DNAH9: variants seen among roughly 807,000 people sequenced by gnomAD.
The protein encoded by DNAH9 is DNAH9 variant protein.
In DNAH9, 345 loss-of-function variants were observed where a neutral mutation model predicts 471.6. That is an observed-to-expected ratio of 0.73 (90% CI 0.67 to 0.80). The LOEUF (loss-of-function observed/expected upper bound fraction) is 0.80, where lower values mean the gene tolerates loss of function less well. Among genes scored for constraint, DNAH9 ranks in the 30% least tolerant of loss-of-function variants. The pLI is 0.00. For synonymous variants in DNAH9, 2,093 were observed against 2,123.6 expected (o/e 0.99, Z 0.40); for missense variants, 5,407 against 5,609.2 (o/e 0.96, Z 1.15).
chr17:11,883,500 AG>A, intron 55 of DNAH9, 85 bp from the exon 56 acceptor site: 2 of 1,497,806 alleles, frequency 1.3e-6, no homozygotes, highest in African/African-American at 2.8e-5. Flanking sequence ...CTTTAAGGCA[AG>A]GGACTCTCGC....
At position 11,854,074 on chromosome 17, in the gene DNAH9, G is replaced by A. The variant is rs1177230757; in HGVS notation, c.9579G>A (p.Met3193Ile). 4 of 1,614,066 alleles carry A rather than the reference G, an allele frequency of 2.5e-6. No individual in the cohort carries two copies. The highest frequency in any genetic ancestry group is 4.5e-5 in the East Asian group (2 of 44,890). Reference sequence around the variant, plus strand: ...TCAGCAATGTCAGCGCTGCGGTGATGGTACTGATGGCTCCCAGGGGTAGGG... The same window carrying A: ...TCAGCAATGTCAGCGCTGCGGTGATAGTACTGATGGCTCCCAGGGGTAGGG... ...LAVSNVSAAV[M>I]VLMAPRGRVP... The change falls in exon 50 of 69, where the codon ATG becomes ATA. Residue 3193 changes from methionine to isoleucine, a missense_variant. Coordinates refer to ENST00000262442, the MANE Select transcript of DNAH9 (RefSeq NM_001372.4).
rs1971757020 is a variant in DNAH9, at chr17:11,859,420, A to G, written c.9933+4992A>G. Among the ~76,000 whole-genome samples, 3 of 152,104 alleles carry G rather than the reference A, an allele frequency of 2.0e-5. No homozygotes were observed. The South Asian group carries it at 6.2e-4, about 32-fold the overall frequency. ...GAGCGAGACTCCGTCTCAAAAAAAA[A>G]AAAAAAAAAAAATGCAGTTACTTTT... On this transcript the variant is annotated intron_variant, in intron 50 of 68. Coordinates refer to ENST00000262442, the MANE Select transcript of DNAH9 (RefSeq NM_001372.4).
chr17:11,607,540 C>T (rs1317324274), intron 1 of DNAH9, among the ~76,000 whole-genome samples: 2 of 152,072 alleles, frequency 1.3e-5, no homozygotes, highest in Admixed American at 6.6e-5. Flanking sequence ...AACTGTGCCT[C>T]GTCCTCTTGA....
intron 45 of DNAH9, among the ~76,000 whole-genome samples, chr17:11,817,777 A>G (rs1970152687): frequency 6.6e-6 from 1 of 152,252 alleles, no homozygotes; most frequent in African/African-American, 2.4e-5. Flanking sequence ...GACAAATTAT[A>G]GTACAGGAAT....
chr17:11,744,338 C>A (rs1187124533), intron 30 of DNAH9, among the ~76,000 whole-genome samples: 5 of 152,140 alleles, frequency 3.3e-5, no homozygotes, highest in South Asian at 2.1e-4. Context: ...GCACTGTGAC[C>A]AGGGGGTTCA....
chr17:11,883,742 G>A lies in DNAH9; in HGVS notation c.10963G>A (p.Glu3655Lys), dbSNP rs747765325. 1.2e-6 allele frequency: 2 copies of A among 1,613,296 alleles called. No individual in the cohort carries two copies. Among genetic ancestry groups the A allele is most frequent in the Admixed American group, 1.7e-5 (1 of 59,844 alleles). ...CACCAAGCAGACTGCTGCCGAAGTTGAGAAAAAGGTAAAACTCCTCTGGCT... is the reference window on the plus strand; with the variant it reads ...CACCAAGCAGACTGCTGCCGAAGTTAAGAAAAAGGTAAAACTCCTCTGGCT... Reference protein sequence around the residue: ...EITKQTAAEVEKKVQEAKVTE... With the variant: ...EITKQTAAEVKKKVQEAKVTE... Residue 3655 changes from glutamate to lysine, a missense_variant, in exon 56 of 69, where the codon GAG (glutamate) becomes AAG (lysine). Physicochemically the swap from Glu to Lys is moderately conservative, Grantham distance 56. Transcript: ENST00000262442.
At chr17:11,916,040 A>T (rs7223475) in intron 61 of DNAH9, among the ~76,000 whole-genome samples, 27,429 of 152,184 alleles carry the variant, frequency 0.18, 2,742 homozygotes, top group African/African-American at 0.26. Flanking sequence ...ATCAGAGCTA[A>T]GTTATTCCTG....
intron 49 of DNAH9, among the ~76,000 whole-genome samples, chr17:11,849,300 A>G (rs1418006717): frequency 6.6e-6 from 1 of 150,626 alleles, no homozygotes; most frequent in African/African-American, 2.4e-5. Flanking sequence ...TTCCTCATCC[A>G]CTCTCCCCTG....
chr17:11,604,317 C>A (rs371416405), intron 1 of DNAH9, among the ~76,000 whole-genome samples: 2 of 152,178 alleles, frequency 1.3e-5, no homozygotes, highest in South Asian at 2.1e-4. Context: ...CCGCCGCGCC[C>A]GTCCTCTTCC....
intron 35 of DNAH9, 49 bp from the exon 36 acceptor site, chr17:11,763,390 AG>A: frequency 6.5e-7 from 1 of 1,543,216 alleles, no homozygotes; most frequent in Non-Finnish European, 8.9e-7. Context: ...CAGCACCACC[AG>A]AATGGAATAT....
chr17:11,793,667 G>A lies in DNAH9; in HGVS notation c.8223+3G>A, dbSNP rs1969140090. 2 of 1,601,982 alleles carry A rather than the reference G, an allele frequency of 1.2e-6. No homozygotes were observed. The highest frequency in any genetic ancestry group is 2.7e-5 in the African/African-American group (2 of 74,262). On this transcript the variant is annotated splice_donor_region_variant and intron_variant, in intron 42 of 68. Transcript: ENST00000262442. ...AAGTGCTCAAGAAAACTTTTGATGTGAGTATTGCCCTATGGATTTTCTTTG... is the reference window on the plus strand; with the variant it reads ...AAGTGCTCAAGAAAACTTTTGATGTAAGTATTGCCCTATGGATTTTCTTTG...
At position 11,629,584 on chromosome 17, in the gene DNAH9, G is replaced by A. The variant is rs1191699817; in HGVS notation, c.1518G>A (p.Thr506=). The A allele has an allele frequency of 2.5e-6, 4 of 1,612,508 alleles. No individual in the cohort carries two copies. Among genetic ancestry groups the A allele is most frequent in the Admixed American group, 1.7e-5 (1 of 59,960 alleles). ...SSSDCLYLQS[T]DFENDVSEFN... ...CCGACTGCCTGTACCTCCAAAGCAC[G>A]GTAGGGTTGGGAAGGGCTGAATCGC... Residue 506 remains threonine (T), a splice_region_variant and synonymous_variant, in exon 7 of 69, where the codon ACG becomes ACA. Coordinates refer to ENST00000262442, the MANE Select transcript of DNAH9 (RefSeq NM_001372.4).
rs1468756669 is a variant in DNAH9 at position 11,664,700 on chromosome 17, G to GAT, written c.2596-131_2596-130dup. 57 of 719,926 alleles carry GAT rather than the reference G, an allele frequency of 7.9e-5. No homozygotes were observed. In the African/African-American group the frequency reaches 9.3e-4, roughly 12 times the overall value. The allele number at this position is 719,926 out of a possible 1,614,324, so 44.6% of individuals were successfully genotyped here. A position where few individuals can be genotyped will look rare whatever the true frequency, so the allele number is the denominator to read the frequency against. ...AATACTCATTAGGCAGAGTGGATTC[G>GAT]ATACATGTGTAATAGCAAATTCTCC... On this transcript the variant is annotated intron_variant, in intron 14 of 68. Coordinates refer to ENST00000262442, the MANE Select transcript of DNAH9 (RefSeq NM_001372.4).
chr17:11,799,308 A>C (rs529229083), intron 43 of DNAH9, among the ~76,000 whole-genome samples: 9,550 of 152,232 alleles, frequency 0.063, 402 homozygotes, highest in African/African-American at 0.1. Flanking sequence ...AGAAGTAGTT[A>C]TCCGTTATCT....
chr17:11,655,072 G>A (rs2073610535), intron 14 of DNAH9, among the ~76,000 whole-genome samples: 1 of 151,880 alleles, frequency 6.6e-6, no homozygotes, highest in South Asian at 2.1e-4. Context: ...CTGCTAATTG[G>A]TACATAGGCA....
At position 11,623,028 on chromosome 17, in the gene DNAH9, C is replaced by T. The variant is rs111341700; in HGVS notation, c.1350+3247C>T. On this transcript the variant is annotated intron_variant, in intron 6 of 68. Transcript: ENST00000262442. This position sits in a 1 kb window ranked among gnomAD's most constrained non-coding sequence, Gnocchi z 4.1. Reference sequence around the variant, plus strand: ...TGCTCTTGTTGCCCAGGCTGGAGTGCAGTGGCACAATCTCGGCTCACGACA... The same window carrying T: ...TGCTCTTGTTGCCCAGGCTGGAGTGTAGTGGCACAATCTCGGCTCACGACA... Among the ~76,000 whole-genome samples, 3,193 of 142,108 alleles carry T rather than the reference C, an allele frequency of 0.022. 47 individuals carry two copies. Among genetic ancestry groups the T allele is most frequent in the Middle Eastern group, 0.053 (13 of 246 alleles). The allele number at this position is 142,108 out of a possible 152,430, so 93.2% of individuals were successfully genotyped here. A position where few individuals can be genotyped will look rare whatever the true frequency, so the allele number is the denominator to read the frequency against.
At position 11,598,680 on chromosome 17, in the gene DNAH9, G is replaced by A. The variant is rs1165308503; in HGVS notation, c.182G>A (p.Gly61Asp). The A allele has an allele frequency of 2.2e-6, 3 of 1,366,144 alleles. No individual in the cohort carries two copies. The highest frequency in any genetic ancestry group is 2.8e-6 in the Non-Finnish European group (3 of 1,066,054). 84.6% of individuals were successfully genotyped at this position (1,366,144 alleles called of 1,614,324 possible). ...GAGCAGCTGCTCCAGGCCTTCCTGG[G>A]CCGCGATGCTGCCGAGGGGCCGCGG... The part of the protein sequence containing the change: ...EAEQLLQAFL[G>D]RDAAEGPRPL... Residue 61 changes from glycine (G) to aspartate (D), a missense_variant, in exon 1 of 69, where the codon GGC (glycine) becomes GAC (aspartate). Physicochemically the swap from Gly to Asp is moderately conservative, Grantham distance 94 (BLOSUM62 -1). This residue lies in a region of DNAH9 where 767 missense variants were observed against 692.5 expected (regional missense o/e 1.11). Coordinates refer to ENST00000262442, the MANE Select transcript of DNAH9 (RefSeq NM_001372.4).
At chr17:11,734,677 C>T (rs1224965641) in intron 28 of DNAH9, among the ~76,000 whole-genome samples, 1 of 152,186 alleles carries the variant, frequency 6.6e-6, no homozygotes, top group African/African-American at 2.4e-5. Flanking sequence ...TTCCAGGACC[C>T]AGACTTTGTG....
At chr17:11,875,825 C>T (rs2150989744) in intron 53 of DNAH9, 1 of 152,478 alleles carries the variant, frequency 6.6e-6, no homozygotes. Context: ...CTCATGCCTC[C>T]CTTCATTTTA....
Sources: gnomAD v4.1 joint callset for allele counts (sites outside exome capture counted in the v4.1 genomes callset) on GRCh38, gnomAD v4.1.1 for gene constraint, gnomAD v4.1.1 regional missense constraint, Gnocchi (gnomAD v3.1) non-coding constraint, MANE v1.5 for transcripts, NCBI Gene and HGNC (gene_info 2026-07-23, HGNC 2026-07-21) for gene names.